NUP54: variants seen among roughly 807,000 people sequenced by gnomAD.
The protein encoded by NUP54 is nucleoporin p54.
In NUP54, 27 loss-of-function variants were observed where a neutral mutation model predicts 66.4. The observed-to-expected ratio is 0.41, with a 90% confidence interval of 0.30 to 0.56. The LOEUF (loss-of-function observed/expected upper bound fraction) is 0.56, where lower values mean the gene tolerates loss of function less well. Ranked by LOEUF, NUP54 falls within the 20% of genes least tolerant of loss-of-function variation. The probability of loss-of-function intolerance (pLI) is 0.34; values close to 1 mark genes in which losing one functional copy is unlikely to be tolerated. For synonymous variants in NUP54, 206 were observed against 210.7 expected (o/e 0.98, Z 0.19); for missense variants, 486 against 596.3 (o/e 0.82, Z 1.93).
intron 9 of NUP54, among the ~76,000 whole-genome samples, chr4:76,122,297 T>C (rs56788469): frequency 0.13 from 20,020 of 152,238 alleles, 1,542 homozygotes; most frequent in East Asian, 0.35. Context: ...ACTCTACATA[T>C]GACAATTCAC....
chr4:76,134,607 C>T (rs903262325), intron 4 of NUP54, among the ~76,000 whole-genome samples: 1 of 151,974 alleles, frequency 6.6e-6, no homozygotes, highest in South Asian at 2.1e-4. Flanking sequence ...GAGAGAGTAA[C>T]TAAACAGCTT....
At chr4:76,136,066 G>A in intron 4 of NUP54, 120 bp downstream of exon 4, 1 of 699,394 alleles carries the variant, frequency 1.4e-6, no homozygotes, top group Non-Finnish European at 2.4e-6. Flanking sequence ...CAAAATAAAA[G>A]TATAATCATA....
intron 9 of NUP54, among the ~76,000 whole-genome samples, chr4:76,120,082 G>T (rs1730161924): frequency 6.6e-6 from 1 of 151,928 alleles, no homozygotes; most frequent in African/African-American, 2.4e-5. Flanking sequence ...TGTCTTGATG[G>T]ATATACATTT....
chr4:76,131,196 G>T, intron 7 of NUP54, 34 bp downstream of exon 7: 2 of 1,374,324 alleles, frequency 1.5e-6, no homozygotes, highest in Non-Finnish European at 1.0e-6. Context: ...GCAAATATTA[G>T]TTCTTAAATG....
At chr4:76,125,613 C>A in intron 8 of NUP54, among the ~76,000 whole-genome samples, 1 of 98,632 alleles carries the variant, frequency 1.0e-5, no homozygotes, top group African/African-American at 4.2e-5. Context: ...CCAGCATGGG[C>A]AAGAGGGAGA....
chr4:76,117,650 C>A lies in NUP54; in HGVS notation c.1395+14G>T. The A allele has an allele frequency of 6.6e-7, 1 of 1,516,454 alleles. No homozygotes were observed. The highest frequency in any genetic ancestry group is 9.2e-7 in the Non-Finnish European group (1 of 1,091,944). 93.9% of individuals were successfully genotyped at this position (1,516,454 alleles called of 1,614,324 possible). Reference sequence around the variant, plus strand: ...GCTCACACTTTAAATAATGCAGCCTCATGCAACACTTACCTGCTTGATTTC... The same window carrying A: ...GCTCACACTTTAAATAATGCAGCCTAATGCAACACTTACCTGCTTGATTTC... On this transcript the variant is annotated intron_variant, in intron 11 of 11. Coordinates refer to ENST00000264883, the MANE Select transcript of NUP54 (RefSeq NM_017426.4).
intron 11 of NUP54, among the ~76,000 whole-genome samples, chr4:76,116,675 G>A (rs904358374): frequency 3.9e-5 from 6 of 152,170 alleles, no homozygotes; most frequent in African/African-American, 1.4e-4. Context: ...ATATAGGCAG[G>A]GAAGGTATTA....
At chr4:76,118,786 A>C (rs1208722480) in intron 9 of NUP54, among the ~76,000 whole-genome samples, 6 of 151,796 alleles carry the variant, frequency 4.0e-5, no homozygotes, top group East Asian at 2.0e-4. Flanking sequence ...GGGTGGATCA[A>C]GAGGTCAGGA....
At position 76,132,655 on chromosome 4, in the gene NUP54, T is replaced by G; in HGVS notation, c.775A>C (p.Thr259Pro). Residue 259 changes from threonine to proline, a missense_variant, in exon 6 of 12, where the codon ACA becomes CCA. Physicochemically the swap from Thr to Pro is conservative, Grantham distance 38 (BLOSUM62 -1). Around this residue, in one of 4 missense-constraint regions of NUP54, gnomAD observed 217 missense variants for 247.9 expected, o/e 0.88. Coordinates refer to ENST00000264883, the MANE Select transcript of NUP54 (RefSeq NM_017426.4). ...TGTTCAAAATGGGCATATAGCGTTGTAGCTGGAACTCTTCTTGAAGTACCA... is the reference window on the plus strand; with the variant it reads ...TGTTCAAAATGGGCATATAGCGTTGGAGCTGGAACTCTTCTTGAAGTACCA... The part of the protein sequence containing the change: ...PNGTSRRVPA[T>P]TLYAHFEQAN... 3 of 1,614,060 alleles carry G rather than the reference T, an allele frequency of 1.9e-6. No homozygotes were observed. Among genetic ancestry groups the G allele is most frequent in the Non-Finnish European group, 2.5e-6 (3 of 1,179,960 alleles).
intron 8 of NUP54, among the ~76,000 whole-genome samples, chr4:76,129,966 GTTTTTTTTTTTTTTTTTTTTTTT>G (rs775109047): frequency 3.5e-5 from 2 of 56,824 alleles, no homozygotes; most frequent in Admixed American, 3.3e-4. Context: ...AATTATGAAA[GTTTTTTTTTTTTTTTTTTTTTTT>G]TTTTTTTTTT....
rs780985883 is a variant in NUP54 at position 76,132,632 on chromosome 4, T to C, written c.798A>G (p.Glu266=). The change falls in exon 6 of 12, where the codon GAA becomes GAG. Residue 266 remains glutamate (E), a synonymous_variant. Transcript: ENST00000264883. ...GCAATTGTGTTTTTATATTGGCTTG[T>C]TCAAAATGGGCATATAGCGTTGTAG... is the stretch of plus-strand genomic sequence containing the variant. The part of the protein sequence containing the change: ...VPATTLYAHF[E]QANIKTQLQQ... 1.2e-6 allele frequency: 2 copies of C among 1,614,122 alleles called. No individual in the cohort carries two copies. Among genetic ancestry groups the C allele is most frequent in the East Asian group, 2.2e-5 (1 of 44,876 alleles).
intron 1 of NUP54, among the ~76,000 whole-genome samples, chr4:76,145,187 G>A (rs1015532931): frequency 2.6e-4 from 39 of 151,686 alleles, no homozygotes; most frequent in South Asian, 1.2e-3. Context: ...GCGTGGCGGC[G>A]GGCGCCTGTA....
Position 76,124,663 on chromosome 4 carries a change from G to T in NUP54, c.1150C>A (p.His384Asn). The part of the protein sequence containing the change: ...QYKRKLMDLS[H>N]RTLQVLIKQE... ...CAAATTACTACCTGTAAAGTTCTAT[G>T]GGAAAGATCCATGAGTTTCCTCTTG... The change falls in exon 9 of 12, where the codon CAT (histidine) becomes AAT (asparagine). Residue 384 changes from histidine (H) to asparagine (N), a missense_variant. Around this residue, in one of 4 missense-constraint regions of NUP54, gnomAD observed 217 missense variants for 247.9 expected, o/e 0.88. Transcript: ENST00000264883. The T allele has an allele frequency of 6.3e-7, 1 of 1,576,974 alleles. No individual in the cohort carries two copies. Among genetic ancestry groups the T allele is most frequent in the Non-Finnish European group, 8.7e-7 (1 of 1,150,754 alleles).
At chr4:76,147,462 C>A (rs560741523) in intron 1 of NUP54, 4 of 1,287,726 alleles carry the variant, frequency 3.1e-6, no homozygotes, top group Admixed American at 2.3e-5. Flanking sequence ...GTTACACATA[C>A]AACCCGCAGT....
At chr4:76,134,052 G>A (rs990494487) in intron 5 of NUP54, 123 bp downstream of exon 5, 1 of 645,480 alleles carries the variant, frequency 1.5e-6, no homozygotes, top group African/African-American at 1.9e-5. Context: ...ATAATCACTA[G>A]CTGAGAAAAG....
chr4:76,147,703 A>C, intron 1 of NUP54: 3 of 1,182,426 alleles, frequency 2.5e-6, no homozygotes, highest in Non-Finnish European at 3.3e-6. Context: ...AAGAAAAGAA[A>C]GCAAGATAAG....
chr4:76,140,636 T>G (rs1432571909), intron 3 of NUP54, among the ~76,000 whole-genome samples: 1 of 151,980 alleles, frequency 6.6e-6, no homozygotes, highest in Non-Finnish European at 1.5e-5. Context: ...ACAGATAAAT[T>G]TGAGATTTGA....
At chr4:76,120,954 T>C (rs1275729282) in intron 9 of NUP54, among the ~76,000 whole-genome samples, 1 of 152,200 alleles carries the variant, frequency 6.6e-6, no homozygotes, top group Non-Finnish European at 1.5e-5. Flanking sequence ...AAAATTTCCT[T>C]TTCCTAAACT....
intron 1 of NUP54, chr4:76,146,182 G>C (rs35866970): frequency 2.4e-6 from 1 of 422,278 alleles, no homozygotes; most frequent in African/African-American, 2.1e-5. Flanking sequence ...GCCCTTTGCT[G>C]AAGGTTAACA....
Sources: gnomAD v4.1 joint callset for allele counts (sites outside exome capture counted in the v4.1 genomes callset) on GRCh38, gnomAD v4.1.1 for gene constraint, gnomAD v4.1.1 regional missense constraint, MANE v1.5 for transcripts, NCBI Gene and HGNC (gene_info 2026-07-23, HGNC 2026-07-21) for gene names.